PASD1: variants seen among roughly 807,000 people sequenced by gnomAD.
PASD1 encodes circadian clock protein PASD1.
PASD1 carries 13 observed loss-of-function variants against 58.8 expected under a neutral mutation model. That is an observed-to-expected ratio of 0.22 (90% CI 0.14 to 0.35). PASD1 has a LOEUF of 0.35. Among genes scored for constraint, PASD1 ranks in the 10% least tolerant of loss-of-function variants. The probability of loss-of-function intolerance (pLI) is 1.00; values close to 1 mark genes in which losing one functional copy is unlikely to be tolerated. For missense variants in PASD1, 734 were observed against 568.3 expected, an observed-to-expected ratio of 1.29 and a Z score of -2.96; for synonymous variants, 236 against 216.7, an observed-to-expected ratio of 1.09 and a Z score of -0.78.
Position 151,664,621 on chromosome X carries a change from G to A in PASD1, c.1071+273G>A, listed in dbSNP as rs151194329. On this transcript the variant is annotated intron_variant, in intron 11 of 15. Transcript: ENST00000370357. ...AATCCCATGGACACTTTGTACTTGA[G>A]GAAAAGTTTGAGCCAAATAAGAAGC... 8.3e-4 allele frequency among the ~76,000 whole-genome samples: 93 copies of A among 111,600 alleles called. 1 individual carries two copies. The East Asian group carries it at 0.025, about 30-fold the overall frequency.
chrX:151,586,327 A>G (rs1412220110), intron 1 of PASD1, among the ~76,000 whole-genome samples: 4 of 111,649 alleles, frequency 3.6e-5, no homozygotes, highest in African/African-American at 1.3e-4. Flanking sequence ...GAGAGAAAGA[A>G]AGTGGGTAGC....
intron 8 of PASD1, among the ~76,000 whole-genome samples, chrX:151,627,924 G>A (rs891650012): frequency 8.9e-6 from 1 of 111,892 alleles, no homozygotes; most frequent in East Asian, 2.8e-4. Flanking sequence ...GTATCTCGTT[G>A]TGGTTTTGAT....
intron 1 of PASD1, among the ~76,000 whole-genome samples, chrX:151,564,301 C>T (rs1049202969): frequency 2.7e-5 from 3 of 111,817 alleles, no homozygotes; most frequent in East Asian, 2.8e-4. Context: ...CTGGGGTGGG[C>T]GCGTATATCG....
chrX:151,592,076 A>G (rs1438260900), intron 1 of PASD1, among the ~76,000 whole-genome samples: 2 of 112,243 alleles, frequency 1.8e-5, no homozygotes, highest in Non-Finnish European at 3.8e-5. Context: ...GATGTCTAGT[A>G]GGCACACCCT....
chrX:151,624,085 A>G (rs1044967756), intron 7 of PASD1, among the ~76,000 whole-genome samples: 6 of 111,672 alleles, frequency 5.4e-5, no homozygotes, highest in African/African-American at 2.0e-4. Flanking sequence ...GAAATGGAGT[A>G]CAGAGAAACA....
At chrX:151,628,099 A>C (rs1326737569) in intron 8 of PASD1, among the ~76,000 whole-genome samples, 2 of 110,689 alleles carry the variant, frequency 1.8e-5, no homozygotes, top group African/African-American at 3.3e-5. Flanking sequence ...TAGATTCTGG[A>C]TATTAGCCCT....
chrX:151,669,998 T>G (rs2014443700), intron 11 of PASD1, among the ~76,000 whole-genome samples: 1 of 112,379 alleles, frequency 8.9e-6, no homozygotes. Context: ...TGTACTAATT[T>G]ACATTCTTAC....
intron 1 of PASD1, among the ~76,000 whole-genome samples, chrX:151,598,209 TAGGA>T (rs2013346505): frequency 8.9e-6 from 1 of 112,218 alleles, no homozygotes; most frequent in Non-Finnish European, 1.9e-5. Flanking sequence ...CAGAGCTATT[TAGGA>T]AGTTTTGTTA....
intron 3 of PASD1, among the ~76,000 whole-genome samples, chrX:151,606,914 A>G (rs1318534237): frequency 9.0e-6 from 1 of 111,728 alleles, no homozygotes; most frequent in Non-Finnish European, 1.9e-5. Flanking sequence ...CTAATGGGAA[A>G]TAGCAAACAC....
chrX:151,672,206 ACAC>A lies in PASD1; in HGVS notation c.1463_1465del (p.His488del), dbSNP rs1256067239. 8.6e-7 allele frequency: 1 copy of A among 1,157,693 alleles called. No homozygotes were observed. The highest frequency in any genetic ancestry group is 1.1e-6 in the Non-Finnish European group (1 of 870,311). On this transcript the variant is annotated inframe_deletion, in exon 14 of 16. Transcript: ENST00000370357. ...AGCAGCAACTGGTGCAGCAAGAACAACACCTGAAGGAGCAGCAGCGGCAGCTGC... is the reference window on the plus strand; with the variant it reads ...AGCAGCAACTGGTGCAGCAAGAACAACTGAAGGAGCAGCAGCGGCAGCTGC...
At chrX:151,657,291 T>C (rs943609164) in intron 9 of PASD1, among the ~76,000 whole-genome samples, 2 of 112,074 alleles carry the variant, frequency 1.8e-5, no homozygotes, top group African/African-American at 6.5e-5. Flanking sequence ...TATATCAGTG[T>C]TCATCAGGGA....
chrX:151,594,258 C>T (rs973981303), intron 1 of PASD1, among the ~76,000 whole-genome samples: 1 of 111,778 alleles, frequency 8.9e-6, no homozygotes, highest in African/African-American at 3.3e-5. Flanking sequence ...CAGGCGTGAG[C>T]CACCGTGCCC....
Position 151,568,728 on chromosome X carries a change from G to A in PASD1, c.-28+4889G>A, listed in dbSNP as rs1487830613. Among the ~76,000 whole-genome samples, 3 of 112,053 alleles carry A rather than the reference G, an allele frequency of 2.7e-5. No individual in the cohort carries two copies. In the East Asian group the frequency reaches 8.4e-4, roughly 31 times the overall value. ...GGATCCAAGAAGTGTTGAACTCCTAGTGTGTCTTTCTTTAAGCTTGTCTCC... is the reference window on the plus strand; with the variant it reads ...GGATCCAAGAAGTGTTGAACTCCTAATGTGTCTTTCTTTAAGCTTGTCTCC... On this transcript the variant is annotated intron_variant, in intron 1 of 15. Transcript: ENST00000370357.
chrX:151,609,012 G>T (rs1361590808), intron 3 of PASD1, among the ~76,000 whole-genome samples: 1 of 111,074 alleles, frequency 9.0e-6, no homozygotes, highest in Non-Finnish European at 1.9e-5. Flanking sequence ...TAACATTCTT[G>T]ATTCTGTCCA....
chrX:151,632,132 A>G (rs762414368), intron 8 of PASD1, among the ~76,000 whole-genome samples: 69 of 110,794 alleles, frequency 6.2e-4, no homozygotes, highest in Non-Finnish European at 1.1e-3. Flanking sequence ...AAAAAAATTG[A>G]GCAGTGAAAG....
chrX:151,581,986 CT>C (rs72381794), intron 1 of PASD1, among the ~76,000 whole-genome samples: 3 of 74,324 alleles, frequency 4.0e-5, no homozygotes, highest in Non-Finnish European at 7.0e-5. Context: ...TTTCTTTTTC[CT>C]TTTTTTTTTT....
At chrX:151,670,105 G>C (rs970746408) in intron 11 of PASD1, among the ~76,000 whole-genome samples, 1 of 111,571 alleles carries the variant, frequency 9.0e-6, no homozygotes, top group African/African-American at 3.3e-5. Flanking sequence ...TCTACCTCTG[G>C]ATTGTTCCAT....
At chrX:151,574,103 T>C (rs772227203) in intron 1 of PASD1, among the ~76,000 whole-genome samples, 8 of 112,324 alleles carry the variant, frequency 7.1e-5, no homozygotes, top group Non-Finnish European at 1.5e-4. Flanking sequence ...TGGCTTCAAG[T>C]GACAAACCTT....
intron 1 of PASD1, among the ~76,000 whole-genome samples, chrX:151,599,317 T>TTCTCAA (rs1312021310): frequency 8.8e-6 from 1 of 113,084 alleles, no homozygotes; most frequent in Non-Finnish European, 1.9e-5. Flanking sequence ...TCATGGCCCG[T>TTCTCAA]TCTCAATGAG....
Sources: allele counts gnomAD v4.1 joint callset (sites outside exome capture counted in the v4.1 genomes callset), GRCh38; gene constraint gnomAD v4.1.1; transcripts MANE v1.5; gene names NCBI Gene and HGNC (gene_info 2026-07-23, HGNC 2026-07-21).